The following ROR1 variants were observed in gnomAD, a reference collection of about 807,000 sequenced individuals.
ROR1 encodes ROR family WNT receptor 1.
In ROR1, 19 loss-of-function variants were observed where a neutral mutation model predicts 78.8. The observed-to-expected ratio is 0.24, with a 90% confidence interval of 0.17 to 0.35. The LOEUF (loss-of-function observed/expected upper bound fraction) is 0.35. Among genes scored for constraint, ROR1 ranks in the 10% least tolerant of loss-of-function variants. ROR1 has a pLI of 1.00. For missense variants in ROR1, 917 were observed against 1,177.8 expected (o/e 0.78, Z 3.24); for synonymous variants, 386 against 433.6 (o/e 0.89, Z 1.36).
chr1:63,828,251 A>G (rs1644967164), intron 1 of ROR1, among the ~76,000 whole-genome samples: 1 of 152,222 alleles, frequency 6.6e-6, no homozygotes. Flanking sequence ...TAGAAAAATA[A>G]TGCATAGCAA....
chr1:64,009,208 G>A (rs1370481570), intron 1 of ROR1, 97 bp from the exon 2 acceptor site: 4 of 914,248 alleles, frequency 4.4e-6, no homozygotes, highest in Non-Finnish European at 7.3e-6. Flanking sequence ...CCAAAGGCAG[G>A]CCCTTTGGAA....
At chr1:64,142,298 C>T in intron 6 of ROR1, 107 bp from the exon 7 acceptor site, 1 of 1,502,280 alleles carries the variant, frequency 6.7e-7, no homozygotes, top group Non-Finnish European at 8.9e-7. Context: ...AAGCTGTGGC[C>T]ACGAGGTTAA....
intron 4 of ROR1, among the ~76,000 whole-genome samples, chr1:64,124,574 G>A (rs1358937798): frequency 6.6e-6 from 1 of 152,200 alleles, no homozygotes; most frequent in Non-Finnish European, 1.5e-5. Flanking sequence ...AACTGAGCAA[G>A]AAGTGCACAA....
chr1:63,911,832 G>A (rs1038486714), intron 1 of ROR1, among the ~76,000 whole-genome samples: 3 of 152,146 alleles, frequency 2.0e-5, no homozygotes, highest in Admixed American at 1.3e-4. Flanking sequence ...GATATGCTGA[G>A]GGGCATGGGG....
At chr1:63,943,280 G>T (rs1645856537) in intron 1 of ROR1, among the ~76,000 whole-genome samples, 1 of 152,130 alleles carries the variant, frequency 6.6e-6, no homozygotes, top group African/African-American at 2.4e-5. Flanking sequence ...AAGGCTGCTT[G>T]TTGAACTGTG....
intron 4 of ROR1, among the ~76,000 whole-genome samples, chr1:64,060,970 G>T (rs535897858): frequency 6.6e-6 from 1 of 152,206 alleles, no homozygotes; most frequent in African/African-American, 2.4e-5. Flanking sequence ...ATCTTTGTGT[G>T]CAGGGTACAT....
At chr1:63,972,681 A>G (rs1646128233) in intron 1 of ROR1, among the ~76,000 whole-genome samples, 1 of 152,168 alleles carries the variant, frequency 6.6e-6, no homozygotes. Flanking sequence ...AAAATGAGTT[A>G]AGAAGGTTGG....
chr1:63,981,022 A>G (rs1242850491), intron 1 of ROR1, among the ~76,000 whole-genome samples: 1 of 151,550 alleles, frequency 6.6e-6, no homozygotes, highest in African/African-American at 2.4e-5. Context: ...GGAAGAAAAA[A>G]TATACCTTTG....
At chr1:63,937,431 C>T (rs1169641939) in intron 1 of ROR1, among the ~76,000 whole-genome samples, 1 of 152,200 alleles carries the variant, frequency 6.6e-6, no homozygotes, top group East Asian at 1.9e-4. Context: ...GCAGTGAGTT[C>T]ATTGCATAAT....
chr1:64,131,347 C>G (rs181259050), intron 4 of ROR1, among the ~76,000 whole-genome samples: 49 of 152,162 alleles, frequency 3.2e-4, no homozygotes, highest in African/African-American at 1.1e-3. Flanking sequence ...TCACTGTCCC[C>G]GGCATTCCAT....
chr1:64,052,082 A>C (rs767814022), intron 4 of ROR1, among the ~76,000 whole-genome samples: 54 of 152,252 alleles, frequency 3.5e-4, no homozygotes, highest in African/African-American at 1.3e-3. Context: ...AAAATCACTC[A>C]AGTGCTAATT....
At chr1:63,790,131 A>T (rs1036119066) in intron 1 of ROR1, among the ~76,000 whole-genome samples, 2 of 152,102 alleles carry the variant, frequency 1.3e-5, no homozygotes, top group African/African-American at 4.8e-5. Flanking sequence ...CTTCATTATA[A>T]TTTGTCATTG....
At chr1:64,103,670 TAC>T (rs1209423800) in intron 4 of ROR1, among the ~76,000 whole-genome samples, 3 of 152,292 alleles carry the variant, frequency 2.0e-5, no homozygotes, top group East Asian at 1.9e-4. Context: ...CATAAGTGAA[TAC>T]ACAGTGTTCT....
chr1:63,898,861 C>T (rs900132800), intron 1 of ROR1, among the ~76,000 whole-genome samples: 2 of 152,040 alleles, frequency 1.3e-5, no homozygotes, highest in Admixed American at 6.5e-5. Flanking sequence ...TTTTCTTGGT[C>T]CTTCTGGCCT....
chr1:63,809,600 C>T (rs950081070), intron 1 of ROR1, among the ~76,000 whole-genome samples: 7 of 152,236 alleles, frequency 4.6e-5, no homozygotes, highest in Non-Finnish European at 7.3e-5. Context: ...CTTAAGCAAA[C>T]GTGAATGTAC....
At chr1:64,108,416 A>T (rs1281408616) in intron 4 of ROR1, 3 of 145,260 alleles carry the variant, frequency 2.1e-5, no homozygotes, top group Admixed American at 1.3e-4. Flanking sequence ...AAAAAAAAAA[A>T]AAAAAAAAAA....
intron 2 of ROR1, among the ~76,000 whole-genome samples, chr1:64,033,837 T>G (rs1646680024): frequency 6.6e-6 from 1 of 152,196 alleles, no homozygotes; most frequent in Admixed American, 6.5e-5. Flanking sequence ...ATTTAATCCG[T>G]GTAACAGTCT....
At chr1:64,132,042 G>T (rs531147939) in intron 4 of ROR1, among the ~76,000 whole-genome samples, 73 of 152,188 alleles carry the variant, frequency 4.8e-4, no homozygotes, top group African/African-American at 1.7e-3. Flanking sequence ...TTCCTTGCCC[G>T]CTAAGCAGTT....
intron 1 of ROR1, among the ~76,000 whole-genome samples, chr1:63,952,314 T>C (rs189971576): frequency 1.6e-4 from 25 of 152,078 alleles, no homozygotes; most frequent in African/African-American, 6.0e-4. Flanking sequence ...GTCCTAGAAA[T>C]TGAGAAAAGC....
Sources: gnomAD v4.1 joint callset for allele counts (sites outside exome capture counted in the v4.1 genomes callset) on GRCh38, gnomAD v4.1.1 for gene constraint, MANE v1.5 for transcripts, NCBI Gene and HGNC (gene_info 2026-07-23, HGNC 2026-07-21) for gene names.